ELMO1: variants seen among roughly 807,000 people sequenced by gnomAD.
ELMO1 encodes engulfment and cell motility 1, also known as engulfment and cell motility protein 1.
A neutral mutation model predicts 98.9 loss-of-function variants in ELMO1; 26 were observed. The observed-to-expected ratio is 0.26, with a 90% CI of 0.19 to 0.36. The LOEUF (loss-of-function observed/expected upper bound fraction) is 0.36, where lower values mean the gene tolerates loss of function less well. Ranked by LOEUF, ELMO1 falls within the 10% of genes least tolerant of loss-of-function variation. The pLI, the probability that ELMO1 is intolerant of heterozygous loss-of-function variation, is 1.00. For synonymous variants in ELMO1, 346 were observed against 346.0 expected (o/e 1.00, Z 0.00); for missense variants, 627 against 935.2 (o/e 0.67, Z 4.30).
At chr7:36,977,799 C>T (rs1790684374) in intron 16 of ELMO1, among the ~76,000 whole-genome samples, 1 of 152,200 alleles carries the variant, frequency 6.6e-6, no homozygotes, top group African/African-American at 2.4e-5. Flanking sequence ...ACAACTCTTA[C>T]AAGGGCCCAG....
intron 4 of ELMO1, among the ~76,000 whole-genome samples, chr7:37,287,975 G>C (rs1797480603): frequency 6.6e-6 from 1 of 151,860 alleles, no homozygotes; most frequent in African/African-American, 2.4e-5. Context: ...TTGTTTGTTT[G>C]TTTGAGACAG....
intron 16 of ELMO1, among the ~76,000 whole-genome samples, chr7:36,958,460 T>C (rs1738814463): frequency 6.6e-6 from 1 of 152,206 alleles, no homozygotes; most frequent in African/African-American, 2.4e-5. Flanking sequence ...TCCAGAGTCC[T>C]TCCCTCCCTC....
chr7:37,362,943 GA>G (rs1424430917), intron 1 of ELMO1, among the ~76,000 whole-genome samples: 1 of 152,214 alleles, frequency 6.6e-6, no homozygotes, highest in Non-Finnish European at 1.5e-5. Context: ...TTGCCACAGT[GA>G]ATTTGGTAGA....
intron 1 of ELMO1, among the ~76,000 whole-genome samples, chr7:37,354,076 G>A (rs868385438): frequency 5.9e-5 from 9 of 152,208 alleles, no homozygotes; most frequent in Admixed American, 2.0e-4. Context: ...CCCTGAATCT[G>A]TCTTCTTAGG....
intron 13 of ELMO1, among the ~76,000 whole-genome samples, chr7:37,162,826 G>GT (rs1358811319): frequency 6.6e-6 from 1 of 152,150 alleles, no homozygotes; most frequent in African/African-American, 2.4e-5. Flanking sequence ...CCTAAAATGT[G>GT]TAACACATAG....
chr7:37,069,585 A>T (rs544519313), intron 15 of ELMO1, among the ~76,000 whole-genome samples: 1 of 152,328 alleles, frequency 6.6e-6, no homozygotes, highest in South Asian at 2.1e-4. Context: ...AGGTGCTAAA[A>T]TTTCTAAAGT....
intron 1 of ELMO1, among the ~76,000 whole-genome samples, chr7:37,394,220 G>A (rs946371827): frequency 4.6e-5 from 7 of 152,198 alleles, no homozygotes. Context: ...GGACAGCAGT[G>A]AGAAGGAGAT....
intron 2 of ELMO1, among the ~76,000 whole-genome samples, chr7:37,317,248 C>T (rs1490456729): frequency 6.6e-6 from 1 of 152,156 alleles, no homozygotes; most frequent in East Asian, 1.9e-4. Flanking sequence ...TGCTAAAGGC[C>T]CAGTTCAGTG....
chr7:36,877,360 G>T (rs1232862929), intron 19 of ELMO1, among the ~76,000 whole-genome samples: 2 of 152,046 alleles, frequency 1.3e-5, no homozygotes, highest in African/African-American at 2.4e-5. Flanking sequence ...TGTTTAATTT[G>T]TATTGTTAAC....
At chr7:36,886,544 G>C (rs1805026474) in intron 18 of ELMO1, among the ~76,000 whole-genome samples, 1 of 152,198 alleles carries the variant, frequency 6.6e-6, no homozygotes, top group South Asian at 2.1e-4. Flanking sequence ...GCCATAACTG[G>C]TGTTCTTAGT....
intron 1 of ELMO1, among the ~76,000 whole-genome samples, chr7:37,434,204 G>A (rs1805048522): frequency 6.6e-6 from 1 of 152,144 alleles, no homozygotes; most frequent in Non-Finnish European, 1.5e-5. Flanking sequence ...GCCTCATTAG[G>A]TGGTACCTTG....
intron 15 of ELMO1, among the ~76,000 whole-genome samples, chr7:37,040,652 T>TGTTA (rs1795453144): frequency 6.6e-6 from 1 of 152,204 alleles, no homozygotes; most frequent in Non-Finnish European, 1.5e-5. Flanking sequence ...TGTTACTGCC[T>TGTTA]GTTAGTGTAT....
chr7:37,211,589 T>TCC (rs1363175349), intron 12 of ELMO1, 72 bp from the exon 13 acceptor site: 1 of 1,547,254 alleles, frequency 6.5e-7, no homozygotes, highest in African/African-American at 1.4e-5. Context: ...TTACATATAC[T>TCC]CCCTCTTTCC....
At chr7:37,050,448 A>G (rs2129203673) in intron 15 of ELMO1, among the ~76,000 whole-genome samples, 1 of 152,280 alleles carries the variant, frequency 6.6e-6, no homozygotes, top group East Asian at 1.9e-4. Flanking sequence ...AAAGAAAACC[A>G]AGAATTAGCC....
At chr7:37,345,744 C>T (rs192516889) in intron 1 of ELMO1, among the ~76,000 whole-genome samples, 7 of 151,768 alleles carry the variant, frequency 4.6e-5, no homozygotes, top group Middle Eastern at 3.4e-3. Flanking sequence ...AATCCCAGCA[C>T]TTTGGGAGGC....
At chr7:37,423,164 C>T (rs540009217) in intron 1 of ELMO1, among the ~76,000 whole-genome samples, 5 of 152,326 alleles carry the variant, frequency 3.3e-5, no homozygotes, top group African/African-American at 9.6e-5. Flanking sequence ...GGCACAATTT[C>T]CCTTCAGTAA....
intron 1 of ELMO1, among the ~76,000 whole-genome samples, chr7:37,354,302 G>T (rs1801406278): frequency 6.6e-6 from 1 of 152,204 alleles, no homozygotes; most frequent in Admixed American, 6.5e-5. Flanking sequence ...TTACAAATGT[G>T]AAGGATTACT....
chr7:36,899,033 A>G (rs993676314), intron 16 of ELMO1, among the ~76,000 whole-genome samples: 1 of 152,162 alleles, frequency 6.6e-6, no homozygotes, highest in South Asian at 2.1e-4. Flanking sequence ...GGGAGGGGCC[A>G]TTCTTGGTGA....
chr7:37,222,484 C>A, intron 10 of ELMO1, 131 bp downstream of exon 10: 1 of 899,610 alleles, frequency 1.1e-6, no homozygotes, highest in Non-Finnish European at 1.8e-6. Flanking sequence ...AACATAGCTG[C>A]TCTGGAGAGT....
Sources: gnomAD v4.1 joint callset for allele counts (sites outside exome capture counted in the v4.1 genomes callset) on GRCh38, gnomAD v4.1.1 for gene constraint, MANE v1.5 for transcripts, NCBI Gene and HGNC (gene_info 2026-07-23, HGNC 2026-07-21) for gene names.